THSD7B: variants seen among roughly 807,000 people sequenced by gnomAD.
The protein encoded by THSD7B is thrombospondin type-1 domain-containing protein 7B.
A neutral mutation model predicts 213.6 loss-of-function variants in THSD7B; 138 were observed. The ratio of observed to expected loss-of-function variants is 0.65; its 90% CI spans 0.56 to 0.74. The LOEUF (loss-of-function observed/expected upper bound fraction) is 0.74, where lower values mean the gene tolerates loss of function less well. Ranked by LOEUF, THSD7B falls within the 30% of genes least tolerant of loss-of-function variation. The pLI, the probability that THSD7B is intolerant of heterozygous loss-of-function variation, is 0.00. For missense variants in THSD7B, 1,931 were observed against 1,991.5 expected, an observed-to-expected ratio of 0.97 and a Z score of 0.58; for synonymous variants, 742 against 687.0, an observed-to-expected ratio of 1.08 and a Z score of -1.25.
At chr2:137,273,025 TACACACACACACAC>T (rs71877881) in intron 11 of THSD7B, among the ~76,000 whole-genome samples, 14 of 140,970 alleles carry the variant, frequency 9.9e-5, no homozygotes, top group African/African-American at 3.2e-4. Context: ...GGAGAAGGAA[TACACACACACACAC>T]ACACACACAC....
At chr2:137,223,968 T>C (rs1200964296) in intron 7 of THSD7B, among the ~76,000 whole-genome samples, 2 of 152,156 alleles carry the variant, frequency 1.3e-5, no homozygotes, top group Non-Finnish European at 2.9e-5. Context: ...TGATGTAAGT[T>C]TCCTGAGGCC....
chr2:136,805,771 T>C (rs900796550), intron 1 of THSD7B, among the ~76,000 whole-genome samples: 1 of 152,158 alleles, frequency 6.6e-6, no homozygotes, highest in Admixed American at 6.5e-5. Flanking sequence ...GCAGAGTCTG[T>C]AGCTCCTCTT....
At chr2:136,890,482 C>T (rs188511115) in intron 2 of THSD7B, among the ~76,000 whole-genome samples, 1,222 of 1,782 alleles carry the variant, frequency 0.69, 574 homozygotes, top group South Asian at 0.93. Context: ...CCTTTCTTCT[C>T]CTTTCTTCTC....
intron 2 of THSD7B, among the ~76,000 whole-genome samples, chr2:136,892,058 C>A (rs978850854): frequency 6.6e-6 from 1 of 151,872 alleles, no homozygotes; most frequent in Non-Finnish European, 1.5e-5. Context: ...TGTGTGGTCT[C>A]GCCATATGGA....
intron 2 of THSD7B, among the ~76,000 whole-genome samples, chr2:136,998,018 C>A (rs59927749): frequency 6.6e-6 from 1 of 151,854 alleles, no homozygotes; most frequent in Non-Finnish European, 1.5e-5. Flanking sequence ...GTAGTCACAC[C>A]GTAGCAGACA....
intron 6 of THSD7B, among the ~76,000 whole-genome samples, chr2:137,162,848 C>T (rs1473973502): frequency 6.6e-6 from 1 of 152,068 alleles, no homozygotes; most frequent in African/African-American, 2.4e-5. Flanking sequence ...CAACCTCTGC[C>T]TCCTGGGTTC....
At chr2:137,070,800 A>G (rs1482954073) in intron 3 of THSD7B, among the ~76,000 whole-genome samples, 1 of 151,744 alleles carries the variant, frequency 6.6e-6, no homozygotes, top group Non-Finnish European at 1.5e-5. Flanking sequence ...CCTATGCGTG[A>G]GAACATGCGG....
intron 25 of THSD7B, among the ~76,000 whole-genome samples, chr2:137,662,062 CTTTTTTT>C (rs778872364): frequency 5.3e-5 from 7 of 132,672 alleles, no homozygotes; most frequent in African/African-American, 1.4e-4. Context: ...TTTCTTTTTT[CTTTTTTT>C]TTTTTTTTTT....
chr2:137,225,934 A>G (rs1681488478), intron 7 of THSD7B, among the ~76,000 whole-genome samples: 1 of 151,798 alleles, frequency 6.6e-6, no homozygotes, highest in Admixed American at 6.6e-5. Context: ...GGTTCTGAAT[A>G]TAAACATTTC....
chr2:137,210,071 C>T (rs547980408), intron 7 of THSD7B, among the ~76,000 whole-genome samples: 1 of 152,124 alleles, frequency 6.6e-6, no homozygotes, highest in Non-Finnish European at 1.5e-5. Context: ...AGAGACCAAC[C>T]CTGTGAAGAC....
At chr2:137,317,696 C>T (rs1352665635) in intron 12 of THSD7B, among the ~76,000 whole-genome samples, 1 of 152,096 alleles carries the variant, frequency 6.6e-6, no homozygotes, top group African/African-American at 2.4e-5. Flanking sequence ...GGGAGGATCT[C>T]TTGAGGTCAG....
intron 2 of THSD7B, among the ~76,000 whole-genome samples, chr2:136,926,249 CCTT>C (rs1185303008): frequency 1.6e-4 from 24 of 152,152 alleles, no homozygotes; most frequent in African/African-American, 5.5e-4. Context: ...CTGTACTATC[CCTT>C]CTTGATTAAC....
intron 1 of THSD7B, among the ~76,000 whole-genome samples, chr2:136,826,211 T>C (rs1252007480): frequency 6.6e-6 from 1 of 152,176 alleles, no homozygotes; most frequent in Non-Finnish European, 1.5e-5. Context: ...TTTCAGGAAA[T>C]GGCAGATATG....
At chr2:136,976,192 C>G (rs919749053) in intron 2 of THSD7B, among the ~76,000 whole-genome samples, 4 of 152,186 alleles carry the variant, frequency 2.6e-5, no homozygotes, top group African/African-American at 9.7e-5. Flanking sequence ...TTGTCCAGAA[C>G]TTACATTACT....
chr2:136,983,593 T>C (rs1685625237), intron 2 of THSD7B, among the ~76,000 whole-genome samples: 1 of 152,170 alleles, frequency 6.6e-6, no homozygotes, highest in South Asian at 2.1e-4. Context: ...GACTGCTATT[T>C]ATACAAAATT....
chr2:137,484,364 G>C (rs1688379851), intron 15 of THSD7B, among the ~76,000 whole-genome samples: 1 of 141,814 alleles, frequency 7.1e-6, no homozygotes, highest in Non-Finnish European at 1.5e-5. Context: ...CCTTTTTTAT[G>C]GCTGCATAGT....
intron 4 of THSD7B, among the ~76,000 whole-genome samples, chr2:137,099,961 T>G (rs1688119066): frequency 6.6e-6 from 1 of 152,132 alleles, no homozygotes; most frequent in African/African-American, 2.4e-5. Flanking sequence ...TTAAAATAAG[T>G]CTGTTTGTGC....
intron 5 of THSD7B, among the ~76,000 whole-genome samples, chr2:137,131,807 G>A (rs150039262): frequency 0.012 from 1,828 of 152,302 alleles, 30 homozygotes; most frequent in South Asian, 0.047. Flanking sequence ...TTGAAGTCAG[G>A]TAGCGTGATG....
chr2:136,971,810 A>T (rs1991575), intron 2 of THSD7B, among the ~76,000 whole-genome samples: 7,698 of 152,164 alleles, frequency 0.051, 220 homozygotes, highest in Middle Eastern at 0.18. Context: ...TTTAAATTTT[A>T]TATCTCTCAT....
Sources: allele counts gnomAD v4.1 joint callset (sites outside exome capture counted in the v4.1 genomes callset), GRCh38; gene constraint gnomAD v4.1.1; transcripts MANE v1.5; gene names NCBI Gene and HGNC (gene_info 2026-07-23, HGNC 2026-07-21).